Variants in FANCB observed in about 807,000 individuals in gnomAD.
FANCB encodes the protein Fanconi anemia group B protein.
A neutral mutation model predicts 38.9 loss-of-function variants in FANCB; 5 were observed. The ratio of observed to expected loss-of-function variants is 0.13; its 90% confidence interval spans 0.07 to 0.27. The LOEUF is 0.27. Among genes scored for constraint, FANCB ranks in the 10% least tolerant of loss-of-function variants. FANCB has a pLI of 1.00. For synonymous variants in FANCB, 236 were observed against 215.4 expected (o/e 1.10, Z -0.84); for missense variants, 573 against 602.7 (o/e 0.95, Z 0.52).
the FANCB span, among the ~76,000 whole-genome samples, chrX:14,732,913 T>C: frequency 4.4e-5 from 5 of 112,519 alleles, no homozygotes; most frequent in African/African-American, 1.6e-4. Flanking sequence ...TTGGCTTTTG[T>C]TGCCATTGCT....
chrX:14,857,747 A>G, intron 5 of FANCB, 115 bp downstream of exon 5: 1 of 560,248 alleles, frequency 1.8e-6, no homozygotes. Context: ...CCTTTGAAAT[A>G]CCATTTTTAC....
At chrX:14,773,063 T>G in the FANCB span, among the ~76,000 whole-genome samples, 84 of 111,929 alleles carry the variant, frequency 7.5e-4, no homozygotes, top group Non-Finnish European at 1.3e-3. Context: ...ATATCTCAGT[T>G]GAAGGTGCTG....
chrX:14,826,432 T>A, the FANCB span, among the ~76,000 whole-genome samples: 3 of 112,391 alleles, frequency 2.7e-5, no homozygotes, highest in Non-Finnish European at 3.8e-5. Flanking sequence ...CAGCTCTCCA[T>A]TGCCTTTAAG....
chrX:14,746,741 T>C, the FANCB span, among the ~76,000 whole-genome samples: 28 of 112,163 alleles, frequency 2.5e-4, no homozygotes, highest in East Asian at 5.1e-3. Context: ...GTATGCAAAA[T>C]GGTAAGGCTG....
intron 5 of FANCB, among the ~76,000 whole-genome samples, chrX:14,854,762 C>G (rs2092416617): frequency 9.0e-6 from 1 of 111,678 alleles, no homozygotes. Context: ...TGTAATTCCA[C>G]TCAAATCAAA....
chrX:14,793,884 A>G, the FANCB span, among the ~76,000 whole-genome samples: 1 of 111,824 alleles, frequency 8.9e-6, no homozygotes, highest in Non-Finnish European at 1.9e-5. Context: ...GGGTTGAAGA[A>G]GGAGATGGAA....
downstream of FANCB, among the ~76,000 whole-genome samples, chrX:14,843,192 A>G (rs1260362042): frequency 9.0e-6 from 1 of 111,629 alleles, no homozygotes; most frequent in Non-Finnish European, 1.9e-5. Context: ...CATTACTGAC[A>G]TTTTGGGCTG....
chrX:14,745,988 C>T, the FANCB span, among the ~76,000 whole-genome samples: 3 of 110,857 alleles, frequency 2.7e-5, no homozygotes, highest in African/African-American at 6.6e-5. Flanking sequence ...GCGTGAGCCA[C>T]CGCACCCGGC....
chrX:14,844,242 T>A (rs1025612305), intron 9 of FANCB, among the ~76,000 whole-genome samples: 12 of 111,392 alleles, frequency 1.1e-4, no homozygotes, highest in Admixed American at 6.7e-4. Flanking sequence ...AATATTTTTT[T>A]AAATTTTACT....
the FANCB span, among the ~76,000 whole-genome samples, chrX:14,721,625 G>T: frequency 9.0e-6 from 1 of 111,162 alleles, no homozygotes; most frequent in Non-Finnish European, 1.9e-5. Flanking sequence ...ATATTTCTCA[G>T]GTTTTAACAA....
the FANCB span, among the ~76,000 whole-genome samples, chrX:14,824,090 C>A: frequency 8.9e-6 from 1 of 111,906 alleles, no homozygotes; most frequent in African/African-American, 3.2e-5. Context: ...CTCCCCCTAA[C>A]AACCCTTGCC....
downstream of FANCB, among the ~76,000 whole-genome samples, chrX:14,840,060 G>A (rs2147380638): frequency 9.0e-6 from 1 of 111,580 alleles, no homozygotes; most frequent in East Asian, 2.8e-4. Context: ...TCACCATGTT[G>A]GCCAGGCTGG....
chrX:14,787,533 A>C, the FANCB span, among the ~76,000 whole-genome samples: 1 of 110,966 alleles, frequency 9.0e-6, no homozygotes, highest in African/African-American at 3.3e-5. Context: ...CTAGAAAAGA[A>C]GACTTTAAAT....
At chrX:14,782,785 T>C in the FANCB span, among the ~76,000 whole-genome samples, 2 of 111,936 alleles carry the variant, frequency 1.8e-5, no homozygotes, top group Non-Finnish European at 3.8e-5. Flanking sequence ...CAGACATTAA[T>C]GTGCATACAG....
At chrX:14,852,715 T>C (rs2092406931) in intron 6 of FANCB, among the ~76,000 whole-genome samples, 1 of 112,039 alleles carries the variant, frequency 8.9e-6, no homozygotes, top group Non-Finnish European at 1.9e-5. Context: ...CATAATTCAC[T>C]TATGAGTAAT....
chrX:14,861,378 C>A (rs1174211232), intron 3 of FANCB, among the ~76,000 whole-genome samples: 1 of 111,914 alleles, frequency 8.9e-6, no homozygotes, highest in African/African-American at 3.2e-5. Flanking sequence ...TGGGAAAACA[C>A]TAACCTTGTT....
chrX:14,852,506 A>G (rs1413312026), intron 6 of FANCB, among the ~76,000 whole-genome samples: 3 of 111,271 alleles, frequency 2.7e-5, no homozygotes, highest in Non-Finnish European at 3.8e-5. Context: ...AAGGAAAAAG[A>G]GAGTAAAATT....
At chrX:14,810,997 G>T in the FANCB span, among the ~76,000 whole-genome samples, 4 of 111,903 alleles carry the variant, frequency 3.6e-5, no homozygotes, top group African/African-American at 1.3e-4. Context: ...CCAGAAGAAA[G>T]TGGGGGCCAA....
chrX:14,806,763 A>C, the FANCB span, among the ~76,000 whole-genome samples: 1 of 112,272 alleles, frequency 8.9e-6, no homozygotes, highest in Non-Finnish European at 1.9e-5. Flanking sequence ...GTAAATAAAT[A>C]CTTCTGAAAA....
Sources: gnomAD v4.1 joint callset for allele counts (sites outside exome capture counted in the v4.1 genomes callset) on GRCh38, gnomAD v4.1.1 for gene constraint, MANE v1.5 for transcripts, NCBI Gene and HGNC (gene_info 2026-07-23, HGNC 2026-07-21) for gene names.